MCC: variants seen among roughly 807,000 people sequenced by gnomAD.
The protein encoded by MCC is colorectal mutant cancer protein.
A neutral mutation model predicts 116.2 loss-of-function variants in MCC; 90 were observed. The ratio of observed to expected loss-of-function variants is 0.77; its 90% CI spans 0.65 to 0.92. The LOEUF is 0.92. Among genes scored for constraint, MCC ranks in the 40% least tolerant of loss-of-function variants. The probability of loss-of-function intolerance (pLI) is 0.00; values close to 1 mark genes in which losing one functional copy is unlikely to be tolerated. For synonymous variants in MCC, 578 were observed against 510.5 expected (o/e 1.13, Z -1.78); for missense variants, 1,516 against 1,312.2 (o/e 1.16, Z -2.40).
At chr5:113,082,802 A>G (rs1754947778) in intron 11 of MCC, 58 bp downstream of exon 11, 1 of 1,583,988 alleles carries the variant, frequency 6.3e-7, no homozygotes, top group African/African-American at 1.3e-5. Flanking sequence ...TGGAAAGAGA[A>G]GTGAGGAGTA....
chr5:113,085,215 G>A lies in MCC; in HGVS notation c.1494C>T (p.Ser498=), dbSNP rs753697506. 6.8e-6 allele frequency: 11 copies of A among 1,614,092 alleles called. No individual in the cohort carries two copies. Among genetic ancestry groups the A allele is most frequent in the Non-Finnish European group, 9.3e-6 (11 of 1,180,038 alleles). ...LTSTNRPINP[S]TGELSTSSSS... ...TGCTGCTTGTGCTCAGCTCCCCAGT[G>A]CTGGGGTTAATCGGGCGGTTGGTGG... The change falls in exon 9 of 19, where the codon AGC becomes AGT. Residue 498 remains serine (S), a synonymous_variant. Transcript: ENST00000408903.
intron 1 of MCC, among the ~76,000 whole-genome samples, chr5:113,393,053 C>T (rs1010303902): frequency 6.6e-6 from 1 of 151,902 alleles, no homozygotes; most frequent in Non-Finnish European, 1.5e-5. Context: ...ACAAACAATG[C>T]TATAAACTGT....
At position 113,094,423 on chromosome 5, in the gene MCC, C is replaced by CTTT. The variant is rs397798890; in HGVS notation, c.1398+7313_1398+7315dup. On this transcript the variant is annotated intron_variant, in intron 8 of 18. Transcript: ENST00000408903. ...AAAGGCCAGCATTTTGGCAATCTTC[C>CTTT]TTTTTTTTTTTTTTTTGAGACAGAA... Among the ~76,000 whole-genome samples the CTTT allele has an allele frequency of 3.2e-3, 425 of 134,758 alleles. 6 individuals are homozygous for CTTT. Among genetic ancestry groups the CTTT allele is most frequent in the African/African-American group, 0.011 (400 of 36,540 alleles). The allele number at this position is 134,758 out of a possible 152,430, so 88.4% of individuals were successfully genotyped here.
At chr5:113,210,624 G>A (rs1026044245) in intron 3 of MCC, among the ~76,000 whole-genome samples, 6 of 152,136 alleles carry the variant, frequency 3.9e-5, no homozygotes, top group South Asian at 2.1e-4. Flanking sequence ...ATGAACCCAG[G>A]TACTCAGGCA....
At chr5:113,113,041 G>C (rs748380933) in intron 6 of MCC, among the ~76,000 whole-genome samples, 3 of 152,218 alleles carry the variant, frequency 2.0e-5, no homozygotes, top group African/African-American at 4.8e-5. Context: ...GGCCTGCTAC[G>C]ATGTGGGCTA....
At chr5:113,349,693 A>G (rs1215714440) in intron 2 of MCC, among the ~76,000 whole-genome samples, 5 of 152,100 alleles carry the variant, frequency 3.3e-5, no homozygotes, top group Non-Finnish European at 7.4e-5. Flanking sequence ...AGTCCTAGCT[A>G]CAGCAATCAG....
chr5:113,164,838 T>C (rs1371575043), intron 3 of MCC, among the ~76,000 whole-genome samples: 1 of 152,186 alleles, frequency 6.6e-6, no homozygotes, highest in Non-Finnish European at 1.5e-5. Flanking sequence ...TTTATAGCAG[T>C]GCTGCTCAAA....
rs1581381820 is a variant in MCC at position 113,297,672 on chromosome 5, G to A, written c.627+42847C>T. 3.6e-5 allele frequency among the ~76,000 whole-genome samples: 5 copies of A among 140,728 alleles called. No homozygotes were observed. The South Asian group carries it at 1.1e-3, about 32-fold the overall frequency. 92.3% of individuals were successfully genotyped at this position (140,728 alleles called of 152,430 possible). On this transcript the variant is annotated intron_variant, in intron 3 of 18. Coordinates refer to ENST00000408903, the MANE Select transcript of MCC (RefSeq NM_001085377.2). ...GGAGGCTGAGGCACGAGAACCACTT[G>A]AACCAGGAGGCAGATGTTGCAGTGC... is the stretch of plus-strand genomic sequence containing the variant.
chr5:113,242,748 A>T (rs1291688020), intron 3 of MCC, among the ~76,000 whole-genome samples: 1 of 152,176 alleles, frequency 6.6e-6, no homozygotes, highest in African/African-American at 2.4e-5. Flanking sequence ...ACCACAGAGA[A>T]ATGTGCTTCC....
chr5:113,373,141 T>C (rs1165118128), intron 2 of MCC, among the ~76,000 whole-genome samples: 3 of 150,986 alleles, frequency 2.0e-5, no homozygotes, highest in African/African-American at 7.3e-5. Flanking sequence ...ATCGCGCCAC[T>C]GCACTCCAGC....
intron 3 of MCC, among the ~76,000 whole-genome samples, chr5:113,235,474 A>G (rs536908613): frequency 1.3e-5 from 2 of 152,352 alleles, no homozygotes; most frequent in African/African-American, 4.8e-5. Flanking sequence ...CTCAGAGGAA[A>G]ACATCAATTT....
intron 8 of MCC, among the ~76,000 whole-genome samples, chr5:113,088,241 C>G (rs868306638): frequency 9.9e-5 from 15 of 152,154 alleles, no homozygotes; most frequent in Middle Eastern, 6.8e-3. Flanking sequence ...GCCTTCTCCC[C>G]CTTCTTTTGA....
intron 1 of MCC, among the ~76,000 whole-genome samples, chr5:113,441,112 A>G (rs577876667): frequency 1.4e-4 from 22 of 152,306 alleles, no homozygotes; most frequent in African/African-American, 5.1e-4. Flanking sequence ...AGGCGGGCAG[A>G]TCACTTAAGG....
chr5:113,027,590 G>C lies in MCC; in HGVS notation c.2880-108C>G. 3.0e-6 allele frequency: 3 copies of C among 985,470 alleles called. No individual in the cohort carries two copies. The East Asian group carries it at 7.2e-5, about 24-fold the overall frequency. The allele number at this position is 985,470 out of a possible 1,614,324, so 61.0% of individuals were successfully genotyped here. ...TCTAGTGAGCACTGCTCTGAAGAAA[G>C]ATCACTCATCCTCTTCGGTAAGAAT... On this transcript the variant is annotated intron_variant, in intron 18 of 18. Coordinates refer to ENST00000408903, the MANE Select transcript of MCC (RefSeq NM_001085377.2).
intron 3 of MCC, among the ~76,000 whole-genome samples, chr5:113,228,262 A>T (rs1429205352): frequency 6.6e-6 from 1 of 152,022 alleles, no homozygotes; most frequent in East Asian, 1.9e-4. Flanking sequence ...GAACTTTAAG[A>T]GGTGTTTGGG....
chr5:113,337,687 C>T (rs1767901766), intron 3 of MCC, among the ~76,000 whole-genome samples: 1 of 152,160 alleles, frequency 6.6e-6, no homozygotes. Context: ...CCTAACTAGA[C>T]ACTGATAAAA....
chr5:113,381,622 C>T (rs1287445791), intron 2 of MCC, among the ~76,000 whole-genome samples: 2 of 151,770 alleles, frequency 1.3e-5, no homozygotes, highest in Non-Finnish European at 2.9e-5. Flanking sequence ...CCCATCTCCA[C>T]AAAAAAATAC....
At chr5:113,229,987 C>A (rs758133042) in intron 3 of MCC, among the ~76,000 whole-genome samples, 3 of 152,190 alleles carry the variant, frequency 2.0e-5, no homozygotes, top group Non-Finnish European at 2.9e-5. Flanking sequence ...ATATATGCCG[C>A]ATTTCTGCTC....
At chr5:113,043,466 G>T in intron 17 of MCC, 64 bp downstream of exon 17, 2 of 1,404,084 alleles carry the variant, frequency 1.4e-6, no homozygotes, top group Non-Finnish European at 2.0e-6. Flanking sequence ...GCAGCAAAGA[G>T]AACTCAGAAC....
Sources: allele counts gnomAD v4.1 joint callset (sites outside exome capture counted in the v4.1 genomes callset), GRCh38; gene constraint gnomAD v4.1.1; transcripts MANE v1.5; gene names NCBI Gene and HGNC (gene_info 2026-07-23, HGNC 2026-07-21).